The following TENM2 variants were observed in gnomAD, a reference collection of about 807,000 sequenced individuals.
TENM2 encodes teneurin-2.
TENM2 carries 52 observed loss-of-function variants against 245.2 expected under a neutral mutation model. That is an observed-to-expected ratio of 0.21 (90% CI 0.17 to 0.27). The LOEUF is 0.27. TENM2 is among the 10% of genes least tolerant of loss of function. The pLI is 1.00. For synonymous variants in TENM2, 1,363 were observed against 1,438.9 expected, an observed-to-expected ratio of 0.95 and a Z score of 1.19; for missense variants, 3,046 against 3,666.8, an observed-to-expected ratio of 0.83 and a Z score of 4.37.
At chr5:167,327,721 G>A (rs1757172723) in intron 1 of TENM2, among the ~76,000 whole-genome samples, 2 of 152,136 alleles carry the variant, frequency 1.3e-5, no homozygotes, top group Non-Finnish European at 2.9e-5. Context: ...AGAGATCCAA[G>A]GATGGAAAAG....
the TENM2 span, among the ~76,000 whole-genome samples, chr5:167,196,325 G>A: frequency 6.3e-4 from 95 of 151,838 alleles, no homozygotes; most frequent in African/African-American, 1.9e-3. Context: ...CTCATTGACC[G>A]AAATGTCATT....
chr5:167,578,432 T>C (rs1365071643), intron 2 of TENM2, among the ~76,000 whole-genome samples: 1 of 152,184 alleles, frequency 6.6e-6, no homozygotes, highest in East Asian at 1.9e-4. Context: ...CGTATTATAA[T>C]TATTGCAATT....
At chr5:167,968,651 G>A (rs924590181) in intron 4 of TENM2, among the ~76,000 whole-genome samples, 1 of 152,138 alleles carries the variant, frequency 6.6e-6, no homozygotes, top group African/African-American at 2.4e-5. Flanking sequence ...GGGAAATGTT[G>A]CTTTACTTAA....
At chr5:167,288,570 A>T (rs995486692) in intron 1 of TENM2, among the ~76,000 whole-genome samples, 7 of 151,974 alleles carry the variant, frequency 4.6e-5, no homozygotes, top group East Asian at 3.9e-4. Flanking sequence ...AAAAAAAAAA[A>T]AAAAGAAAAA....
chr5:167,141,579 C>T, the TENM2 span, among the ~76,000 whole-genome samples: 2 of 152,120 alleles, frequency 1.3e-5, no homozygotes, highest in Non-Finnish European at 2.9e-5. Flanking sequence ...ACCATCACCA[C>T]ATTTCATTTG....
the TENM2 span, among the ~76,000 whole-genome samples, chr5:167,252,438 C>T: frequency 1.3e-5 from 2 of 152,074 alleles, no homozygotes; most frequent in South Asian, 2.1e-4. Flanking sequence ...GGTTTCCTTT[C>T]GCGTTGTCAT....
At chr5:167,065,124 G>A in the TENM2 span, among the ~76,000 whole-genome samples, 4 of 152,010 alleles carry the variant, frequency 2.6e-5, no homozygotes, top group East Asian at 1.9e-4. Flanking sequence ...TACTGGCACC[G>A]TATACAATGA....
At chr5:167,269,577 A>G in the TENM2 span, among the ~76,000 whole-genome samples, 2 of 152,116 alleles carry the variant, frequency 1.3e-5, no homozygotes, top group African/African-American at 4.8e-5. Context: ...AACAAAAATG[A>G]TGAAAGTGCA....
intron 2 of TENM2, among the ~76,000 whole-genome samples, chr5:167,812,539 CA>C (rs1288044319): frequency 1.3e-5 from 2 of 152,168 alleles, no homozygotes; most frequent in East Asian, 3.9e-4. Context: ...TGCTCGTGGA[CA>C]TTTAATGCTT....
intron 2 of TENM2, among the ~76,000 whole-genome samples, chr5:167,469,167 A>G (rs1472327281): frequency 3.3e-5 from 5 of 152,162 alleles, no homozygotes; most frequent in Admixed American, 1.3e-4. Context: ...TTTCATCTGA[A>G]GTTAGGCTGA....
intron 3 of TENM2, among the ~76,000 whole-genome samples, chr5:167,943,252 G>A (rs757607225): frequency 6.6e-6 from 1 of 152,148 alleles, no homozygotes; most frequent in South Asian, 2.1e-4. Flanking sequence ...GGTATGCTTC[G>A]GCCACTCTTG....
the TENM2 span, among the ~76,000 whole-genome samples, chr5:167,244,577 G>A: frequency 2.3e-4 from 35 of 152,354 alleles, no homozygotes; most frequent in South Asian, 7.0e-3. Context: ...CTCCAAGGAA[G>A]TGAGGAGGCC....
intron 1 of TENM2, among the ~76,000 whole-genome samples, chr5:167,326,702 AATAT>A (rs70976411): frequency 5.7e-4 from 81 of 143,192 alleles, no homozygotes; most frequent in African/African-American, 1.7e-3. Flanking sequence ...ATAATAAATA[AATAT>A]ATATATATAT....
chr5:167,461,818 A>C (rs1766311083), intron 2 of TENM2, among the ~76,000 whole-genome samples: 1 of 152,300 alleles, frequency 6.6e-6, no homozygotes, highest in Non-Finnish European at 1.5e-5. Context: ...ATTTATATAT[A>C]TTTTGTTTGC....
chr5:167,950,821 A>G (rs1034038021), intron 3 of TENM2, among the ~76,000 whole-genome samples: 11 of 152,208 alleles, frequency 7.2e-5, no homozygotes, highest in Non-Finnish European at 1.6e-4. Context: ...TGCTACAGCT[A>G]TGAAACTCTC....
chr5:167,902,028 C>A (rs1775745845), intron 3 of TENM2, among the ~76,000 whole-genome samples: 1 of 152,172 alleles, frequency 6.6e-6, no homozygotes, highest in African/African-American at 2.4e-5. Flanking sequence ...CTATCCTTTG[C>A]ACATTTTATG....
chr5:167,356,217 A>AAAAAAAAAAAAAAAAAAAGAAAAATT (rs1759321624), intron 1 of TENM2, among the ~76,000 whole-genome samples: 10 of 129,162 alleles, frequency 7.7e-5, no homozygotes, highest in African/African-American at 3.2e-4. Context: ...AAAAAAAAAA[A>AAAAAAAAAAAAAAAAAAAGAAAAATT]AAAATTAAAA....
chr5:167,948,093 GAA>G (rs921920226), intron 3 of TENM2, among the ~76,000 whole-genome samples: 2 of 152,164 alleles, frequency 1.3e-5, no homozygotes, highest in Non-Finnish European at 2.9e-5. Flanking sequence ...TAGAGCCCCT[GAA>G]AGTCTTCCTT....
intron 2 of TENM2, among the ~76,000 whole-genome samples, chr5:167,849,777 A>G (rs956011808): frequency 6.6e-6 from 1 of 152,208 alleles, no homozygotes; most frequent in African/African-American, 2.4e-5. Context: ...TTATCCATTT[A>G]TTATAAAGAA....
Sources: allele counts gnomAD v4.1 joint callset (sites outside exome capture counted in the v4.1 genomes callset), GRCh38; gene constraint gnomAD v4.1.1; transcripts MANE v1.5; gene names NCBI Gene and HGNC (gene_info 2026-07-23, HGNC 2026-07-21).